The following DLL3 variants were observed in gnomAD, a reference collection of about 807,000 sequenced individuals.
DLL3 encodes delta-like protein 3.
Under a neutral mutation model 55.0 loss-of-function variants are expected in DLL3, and 49 were observed. The observed-to-expected ratio is 0.89, with a 90% CI of 0.71 to 1.13. DLL3 has a LOEUF of 1.13. DLL3 is among the 50% of genes most tolerant of loss of function. The pLI is 0.00. For synonymous variants in DLL3, 421 were observed against 385.2 expected (o/e 1.09, Z -1.09); for missense variants, 962 against 875.5 (o/e 1.10, Z -1.25).
chr19:39,502,816 G>A lies in DLL3; in HGVS notation c.411G>A (p.Gly137=). The A allele has an allele frequency of 7.0e-7, 1 of 1,420,342 alleles. No individual in the cohort carries two copies. The highest frequency in any genetic ancestry group is 9.2e-7 in the Non-Finnish European group (1 of 1,092,512). 88.0% of individuals were successfully genotyped at this position (1,420,342 alleles called of 1,614,324 possible). Residue 137 remains glycine, a splice_region_variant and synonymous_variant, in exon 4 of 9, where the codon GGG becomes GGA. Transcript: ENST00000356433. The part of the protein sequence containing the change: ...WREELGDQIG[G]PAWSLLARVA... ...CCCCTCCTTTGCCTGTCCTCGCAGG[G>A]CCCGCCTGGAGCCTGCTGGCGCGCG... is the stretch of plus-strand genomic sequence containing the variant.
chr19:39,499,138 A>G (rs1464006140), intron 1 of DLL3, 54 bp from the exon 2 acceptor site: 1 of 1,608,400 alleles, frequency 6.2e-7, no homozygotes, highest in East Asian at 2.2e-5. Context: ...CGTGGGGCGG[A>G]CGGGAAGCCT....
At chr19:39,508,187 C>A in intron 8 of DLL3, 65 bp from the exon 9 acceptor site, 2 of 1,614,140 alleles carry the variant, frequency 1.2e-6, no homozygotes, top group Non-Finnish European at 1.7e-6. Flanking sequence ...TGATTGTACT[C>A]AGCGGGGAGG....
chr19:39,502,879 G>T lies in DLL3; in HGVS notation c.474G>T (p.Trp158Cys). 1 of 1,428,108 alleles carries T rather than the reference G, an allele frequency of 7.0e-7. No homozygotes were observed. The highest frequency in any genetic ancestry group is 1.5e-5 in the African/African-American group (1 of 67,012). 88.5% of individuals were successfully genotyped at this position (1,428,108 alleles called of 1,614,324 possible). The change falls in exon 4 of 9, where the codon TGG becomes TGT. Residue 158 changes from tryptophan (W) to cysteine (C), a missense_variant. By Grantham distance (215) the Trp-to-Cys change is radical. Coordinates refer to ENST00000356433, the MANE Select transcript of DLL3 (RefSeq NM_203486.3). The stretch of plus-strand genomic sequence containing the variant: ...GGCGCTTGGCAGCCGGAGGCCCGTG[G>T]GCCCGGGACATTCAGCGCGCAGGCG... ...GRRRLAAGGP[W>C]ARDIQRAGAW...
chr19:39,499,846 TTC>T (rs200821457), intron 2 of DLL3, among the ~76,000 whole-genome samples: 71 of 132,300 alleles, frequency 5.4e-4, no homozygotes, highest in Non-Finnish European at 7.5e-4. Flanking sequence ...CACTAATATC[TTC>T]TCTCTCTTTT....
At chr19:39,499,158 C>T (rs969206112) in intron 1 of DLL3, 34 bp from the exon 2 acceptor site, 8 of 1,598,846 alleles carry the variant, frequency 5.0e-6, no homozygotes, top group Non-Finnish European at 6.8e-6. Flanking sequence ...TGGGTCCTCC[C>T]GGCCGCCTCA....
chr19:39,507,328 A>C lies in DLL3; in HGVS notation c.1383A>C (p.Gly461=), dbSNP rs886054433. ...LVCACAPGYM[G]ARCEFPVHPD... ...GCGCTTGCGCTCCCGGCTACATGGGAGCGCGGTGTGAGTTCCCAGTGCACC... is the reference window on the plus strand; with the variant it reads ...GCGCTTGCGCTCCCGGCTACATGGGCGCGCGGTGTGAGTTCCCAGTGCACC... The change falls in exon 7 of 9, where the codon GGA becomes GGC. Residue 461 remains glycine, a synonymous_variant. Transcript: ENST00000356433. 3 of 1,567,506 alleles carry C rather than the reference A, an allele frequency of 1.9e-6. No homozygotes were observed. The highest frequency in any genetic ancestry group is 1.3e-5 in the African/African-American group (1 of 74,124).
rs1278607129 is a variant in DLL3 at position 39,507,354 on chromosome 19, C to T, written c.1409C>T (p.Pro470Leu). The T allele has an allele frequency of 6.4e-7, 1 of 1,571,494 alleles. No homozygotes were observed. Among genetic ancestry groups the T allele is most frequent in the Non-Finnish European group, 8.6e-7 (1 of 1,165,236 alleles). ...MGARCEFPVH[P>L]DGASALPAAP... ...GCGCGGTGTGAGTTCCCAGTGCACC[C>T]CGACGGCGCAAGCGCCTTGCCCGCG... The change falls in exon 7 of 9, where the codon CCC (proline) becomes CTC (leucine). Residue 470 changes from proline to leucine, a missense_variant. Coordinates refer to ENST00000356433, the MANE Select transcript of DLL3 (RefSeq NM_203486.3).
Position 39,503,011 on chromosome 19 carries a change from G to T in DLL3, c.606G>T (p.Pro202=). Residue 202 remains proline (P), a synonymous_variant, in exon 4 of 9, where the codon CCG becomes CCT. Transcript: ENST00000356433. ...RPRSAPSRCG[P]GLRPCAPLED... ...GCAGCGCCCCCTCGCGGTGCGGTCC[G>T]GGACTGCGCCCCTGCGCACCGCTCG... The T allele has an allele frequency of 6.6e-7, 1 of 1,506,148 alleles. No homozygotes were observed. The highest frequency in any genetic ancestry group is 1.2e-5 in the South Asian group (1 of 80,772). The allele number at this position is 1,506,148 out of a possible 1,614,324, so 93.3% of individuals were successfully genotyped here.
At chr19:39,502,675 C>T in intron 3 of DLL3, 140 bp from the exon 4 acceptor site, 1 of 1,084,574 alleles carries the variant, frequency 9.2e-7, no homozygotes, top group Non-Finnish European at 1.2e-6. Flanking sequence ...ATTCTACTCG[C>T]GAGGTCCAAG....
chr19:39,505,117 T>C (rs1350440307), intron 5 of DLL3, 112 bp from the exon 6 acceptor site: 4 of 1,099,084 alleles, frequency 3.6e-6, no homozygotes, highest in South Asian at 1.3e-5. Flanking sequence ...GGCCCCTGCA[T>C]AGTGGGACTT....
rs780000990 is a variant in DLL3 at position 39,507,264 on chromosome 19, A to T, written c.1319A>T (p.His440Leu). 5.7e-5 allele frequency: 87 copies of T among 1,529,640 alleles called. No homozygotes were observed. The highest frequency in any genetic ancestry group is 7.4e-5 in the Non-Finnish European group (85 of 1,144,614). 94.8% of individuals were successfully genotyped at this position (1,529,640 alleles called of 1,614,324 possible). ...ADPCAARPCAHGGRCYAHFSG... is the reference protein window; with the variant it reads ...ADPCAARPCALGGRCYAHFSG... ...CCGTGCGCCGCGCGCCCCTGTGCTC[A>T]CGGCGGCCGCTGCTACGCCCACTTC... is the stretch of plus-strand genomic sequence containing the variant. Residue 440 changes from histidine (H) to leucine (L), a missense_variant, in exon 7 of 9, where the codon CAC becomes CTC. Coordinates refer to ENST00000356433, the MANE Select transcript of DLL3 (RefSeq NM_203486.3).
At chr19:39,500,063 G>T (rs143144721) in intron 2 of DLL3, among the ~76,000 whole-genome samples, 14 of 152,000 alleles carry the variant, frequency 9.2e-5, no homozygotes, top group Non-Finnish European at 7.4e-5. Flanking sequence ...GATCATCCTG[G>T]TACCTCACAA....
At chr19:39,501,752 CTA>C (rs1454984253) in intron 3 of DLL3, among the ~76,000 whole-genome samples, 1 of 152,112 alleles carries the variant, frequency 6.6e-6, no homozygotes, top group Non-Finnish European at 1.5e-5. Flanking sequence ...GTCTCTGTGA[CTA>C]TTTTGATATA....
At position 39,508,307 on chromosome 19, in the gene DLL3, G is replaced by A; in HGVS notation, c.*50G>A. 1 of 1,605,934 alleles carries A rather than the reference G, an allele frequency of 6.2e-7. No homozygotes were observed. The highest frequency in any genetic ancestry group is 8.5e-7 in the Non-Finnish European group (1 of 1,173,174). The stretch of plus-strand genomic sequence containing the variant: ...AGTCAGAGCGTGGATTTTTGTATTT[G>A]CTCGGTGGTGCCCAGTCTCTGCCCC... On this transcript the variant is annotated 3_prime_UTR_variant, in exon 9 of 9. Coordinates refer to ENST00000356433, the MANE Select transcript of DLL3 (RefSeq NM_203486.3).
intron 6 of DLL3, among the ~76,000 whole-genome samples, chr19:39,506,211 C>CAAAAAAAA (rs541216671): frequency 1.8e-5 from 1 of 54,534 alleles, no homozygotes; most frequent in Non-Finnish European, 3.4e-5. Context: ...CACTCTGTCT[C>CAAAAAAAA]AAAAAAAAAA....
chr19:39,499,352 G>A lies in DLL3; in HGVS notation c.230G>A (p.Cys77Tyr), dbSNP rs757886152. 6.4e-7 allele frequency: 1 copy of A among 1,555,352 alleles called. No individual in the cohort carries two copies. Among genetic ancestry groups the A allele is most frequent in the Non-Finnish European group, 8.6e-7 (1 of 1,156,368 alleles). ...GLSEEAAESP[C>Y]ALGAALSARG... ...TCAGAGGAGGCCGCCGAGTCCCCGTGCGCCCTGGGCGCGGCGCTGAGTGCG... is the reference window on the plus strand; with the variant it reads ...TCAGAGGAGGCCGCCGAGTCCCCGTACGCCCTGGGCGCGGCGCTGAGTGCG... Residue 77 changes from cysteine to tyrosine, a missense_variant, in exon 2 of 9, where the codon TGC (cysteine) becomes TAC (tyrosine). Transcript: ENST00000356433.
chr19:39,501,875 T>G (rs1216722659), intron 3 of DLL3, among the ~76,000 whole-genome samples: 1 of 152,114 alleles, frequency 6.6e-6, no homozygotes. Context: ...GGTCTCATCA[T>G]TACTTCAATT....
intron 7 of DLL3, 89 bp from the exon 8 acceptor site, chr19:39,507,741 G>C: frequency 1.2e-6 from 2 of 1,607,176 alleles, no homozygotes; most frequent in Non-Finnish European, 8.5e-7. Flanking sequence ...CCGGTAGCTG[G>C]TTTTGGGTTC....
Position 39,507,879 on chromosome 19 carries a change from T to C in DLL3, c.1723T>C (p.Tyr575His), listed in dbSNP as rs1385199201. The change falls in exon 8 of 9, where the codon TAT becomes CAT. Residue 575 changes from tyrosine to histidine, a missense_variant. Physicochemically the swap from Tyr to His is moderately conservative, Grantham distance 83 (BLOSUM62 2). Coordinates refer to ENST00000356433, the MANE Select transcript of DLL3 (RefSeq NM_203486.3). The part of the protein sequence containing the change: ...RPEDVDPQGI[Y>H]VISAPSIYAR... ...TGAAGATGTAGACCCTCAAGGGATT[T>C]ATGTCATATCTGCTCCTTCCATCTA... is the stretch of plus-strand genomic sequence containing the variant. 1.2e-6 allele frequency: 2 copies of C among 1,614,048 alleles called. No individual in the cohort carries two copies. Among genetic ancestry groups the C allele is most frequent in the Non-Finnish European group, 1.7e-6 (2 of 1,180,042 alleles).
Sources: gnomAD v4.1 joint callset for allele counts (sites outside exome capture counted in the v4.1 genomes callset) on GRCh38, gnomAD v4.1.1 for gene constraint, MANE v1.5 for transcripts, NCBI Gene and HGNC (gene_info 2026-07-23, HGNC 2026-07-21) for gene names.